The following SYT4 variants were observed in gnomAD, a reference collection of about 807,000 sequenced individuals.
SYT4 encodes the protein synaptotagmin-4.
A neutral mutation model predicts 32.9 loss-of-function variants in SYT4; 7 were observed. The ratio of observed to expected loss-of-function variants is 0.21; its 90% CI spans 0.12 to 0.40. The LOEUF is 0.40. Ranked by LOEUF, SYT4 falls within the 10% of genes least tolerant of loss-of-function variation. The pLI is 1.00. For missense variants in SYT4, 480 were observed against 488.0 expected (o/e 0.98, Z 0.16); for synonymous variants, 205 against 186.2 (o/e 1.10, Z -0.82).
chr18:43,277,470 G>A lies in SYT4; in HGVS notation c.-189C>T. 3.2e-6 allele frequency: 2 copies of A among 617,582 alleles called. No individual in the cohort carries two copies. Among genetic ancestry groups the A allele is most frequent in the Non-Finnish European group, 2.8e-6 (1 of 356,474 alleles). 38.3% of individuals were successfully genotyped at this position (617,582 alleles called of 1,614,324 possible). A position where few individuals can be genotyped will look rare whatever the true frequency, so the allele number is the denominator to read the frequency against. On this transcript the variant is annotated 5_prime_UTR_variant, in exon 1 of 4. Coordinates refer to ENST00000255224, the MANE Select transcript of SYT4 (RefSeq NM_020783.4). ...CCCTCGCACAGTGATTTGCCACCTCGGTTCCTGTTTTGGCTCTTCTGAGAA... is the reference window on the plus strand; with the variant it reads ...CCCTCGCACAGTGATTTGCCACCTCAGTTCCTGTTTTGGCTCTTCTGAGAA...
Position 43,273,938 on chromosome 18 carries a change from T to C in SYT4, c.491A>G (p.Asn164Ser). The C allele has an allele frequency of 1.9e-6, 3 of 1,614,020 alleles. No individual in the cohort carries two copies. The highest frequency in any genetic ancestry group is 1.1e-5 in the South Asian group (1 of 91,076). ...GACCACAAATGCTTTTCTCTCGAAG[T>C]TGTATTCTAAGGAGAAGAAGAGAGT... ...LGTLFFSLEY[N>S]FERKAFVVNI... Residue 164 changes from asparagine (N) to serine (S), a missense_variant, in exon 2 of 4, where the codon AAC becomes AGC. Coordinates refer to ENST00000255224, the MANE Select transcript of SYT4 (RefSeq NM_020783.4).
chr18:43,276,345 C>T (rs935356675), intron 1 of SYT4, among the ~76,000 whole-genome samples: 8 of 152,130 alleles, frequency 5.3e-5, no homozygotes, highest in Non-Finnish European at 1.0e-4. Context: ...AGCTTAATAA[C>T]AATTATCACA....
chr18:43,269,438 C>T lies in SYT4; in HGVS notation c.*903G>A, dbSNP rs1162513917. On this transcript the variant is annotated 3_prime_UTR_variant, in exon 4 of 4. Coordinates refer to ENST00000255224, the MANE Select transcript of SYT4 (RefSeq NM_020783.4). ...TGCCGACTCTGGGTACAAACGATGGCCTTAAAAGTACACTTGCACACTATA... is the reference window on the plus strand; with the variant it reads ...TGCCGACTCTGGGTACAAACGATGGTCTTAAAAGTACACTTGCACACTATA... 6.6e-6 allele frequency: 1 copy of T among 152,196 alleles called. No homozygotes were observed. The highest frequency in any genetic ancestry group is 1.5e-5 in the Non-Finnish European group (1 of 68,002). 9.4% of individuals were successfully genotyped at this position (152,196 alleles called of 1,614,324 possible).
intron 1 of SYT4, among the ~76,000 whole-genome samples, chr18:43,276,804 G>A (rs1174379356): frequency 3.3e-5 from 5 of 152,056 alleles, no homozygotes; most frequent in African/African-American, 4.8e-5. Flanking sequence ...AATATACATT[G>A]CCAAACCCCA....
chr18:43,270,554 A>G lies in SYT4; in HGVS notation c.1065T>C (p.Asn355=). The G allele has an allele frequency of 6.2e-7, 1 of 1,613,978 alleles. No individual in the cohort carries two copies. Among genetic ancestry groups the G allele is most frequent in the South Asian group, 1.1e-5 (1 of 91,090 alleles). The part of the protein sequence containing the change: ...VKKCTPNAVF[N]ELFVFDIPCE... ...AAGGAATATCAAAGACAAACAGCTCATTGAACACTGCATTGGGGGTGCATT... is the reference window on the plus strand; with the variant it reads ...AAGGAATATCAAAGACAAACAGCTCGTTGAACACTGCATTGGGGGTGCATT... Residue 355 remains asparagine, a synonymous_variant, in exon 4 of 4, where the codon AAT becomes AAC. Coordinates refer to ENST00000255224, the MANE Select transcript of SYT4 (RefSeq NM_020783.4).
chr18:43,271,866 A>G, intron 2 of SYT4, 34 bp from the exon 3 acceptor site: 1 of 1,597,848 alleles, frequency 6.3e-7, no homozygotes, highest in Non-Finnish European at 8.5e-7. Context: ...AAGTATTTCT[A>G]TCTTTTTAAC....
intron 2 of SYT4, among the ~76,000 whole-genome samples, chr18:43,272,537 A>G (rs16977446): frequency 6.6e-6 from 1 of 152,106 alleles, no homozygotes; most frequent in Non-Finnish European, 1.5e-5. Context: ...GATAAGATAT[A>G]CAATAATTCA....
chr18:43,268,426 C>T lies in SYT4; in HGVS notation c.*1915G>A, dbSNP rs1908522228. Reference sequence around the variant, plus strand: ...TGTTCCATGTTAAAAAAAAAAAAATCGGCCTCGTCCAACAACCATACCTCA... The same window carrying T: ...TGTTCCATGTTAAAAAAAAAAAAATTGGCCTCGTCCAACAACCATACCTCA... On this transcript the variant is annotated 3_prime_UTR_variant, in exon 4 of 4. Transcript: ENST00000255224. 1 of 150,650 alleles carries T rather than the reference C, an allele frequency of 6.6e-6. No homozygotes were observed. The highest frequency in any genetic ancestry group is 1.5e-5 in the Non-Finnish European group (1 of 67,694). The allele number at this position is 150,650 out of a possible 1,614,324, so 9.3% of individuals were successfully genotyped here. A position where few individuals can be genotyped will look rare whatever the true frequency, so the allele number is the denominator to read the frequency against.
rs766203920 is a variant in SYT4 at position 43,270,002 on chromosome 18, A to G, written c.*339T>C. 3.2e-5 allele frequency: 7 copies of G among 218,798 alleles called. No individual in the cohort carries two copies. Among genetic ancestry groups the G allele is most frequent in the Admixed American group, 5.2e-5 (1 of 19,226 alleles). 13.6% of individuals were successfully genotyped at this position (218,798 alleles called of 1,614,324 possible). On this transcript the variant is annotated 3_prime_UTR_variant, in exon 4 of 4. Transcript: ENST00000255224. The stretch of plus-strand genomic sequence containing the variant: ...TCGTTTTTAAATCTTAATCACATTA[A>G]CTTTTTGTGACATGTTCCAATGAGA...
chr18:43,276,907 A>G (rs1908812442), intron 1 of SYT4, among the ~76,000 whole-genome samples: 1 of 152,194 alleles, frequency 6.6e-6, no homozygotes, highest in African/African-American at 2.4e-5. Flanking sequence ...TTACCTACAA[A>G]TAAGAATCAC....
chr18:43,271,656 C>G, intron 3 of SYT4, 56 bp downstream of exon 3: 1 of 1,599,744 alleles, frequency 6.3e-7, no homozygotes, highest in African/African-American at 1.3e-5. Flanking sequence ...GGCTCATTTG[C>G]AGTCAAATAC....
rs1908822198 is a variant in SYT4, at chr18:43,277,234, A to G, written c.34+14T>C. On this transcript the variant is annotated intron_variant, in intron 1 of 3. Coordinates refer to ENST00000255224, the MANE Select transcript of SYT4 (RefSeq NM_020783.4). ...AAGGAATAACCGCAGTCATAAGTTC[A>G]GTAACTTGCTTACCAAATTCTTCCC... The G allele has an allele frequency of 1.2e-6, 2 of 1,614,036 alleles. No individual in the cohort carries two copies. The highest frequency in any genetic ancestry group is 1.7e-6 in the Non-Finnish European group (2 of 1,179,938).
chr18:43,276,549 G>A (rs1468068910), intron 1 of SYT4, among the ~76,000 whole-genome samples: 1 of 152,102 alleles, frequency 6.6e-6, no homozygotes, highest in Non-Finnish European at 1.5e-5. Flanking sequence ...AAAACTGAAC[G>A]GGAAAATTGG....
In SYT4 at chr18:43,270,620, A is replaced by G; in HGVS notation, c.999T>C (p.His333=). The G allele has an allele frequency of 6.2e-7, 1 of 1,613,906 alleles. No homozygotes were observed. Among genetic ancestry groups the G allele is most frequent in the Non-Finnish European group, 8.5e-7 (1 of 1,179,914 alleles). The change falls in exon 4 of 4, where the codon CAT becomes CAC. Residue 333 remains histidine, a synonymous_variant. Transcript: ENST00000255224. ...SDPYVKVNLY[H]AKKRISKKKT... ...TCTTCTTGGAGATTCTCTTTTTGGC[A>G]TGGTACAGGTTCACTTTGACATAGG...
chr18:43,273,639 T>C lies in SYT4; in HGVS notation c.790A>G (p.Ile264Val), dbSNP rs967204421. The C allele has an allele frequency of 1.2e-6, 2 of 1,613,716 alleles. No individual in the cohort carries two copies. Among genetic ancestry groups the C allele is most frequent in the Admixed American group, 3.3e-5 (2 of 59,982 alleles). ...AACATTTTTCCTTCAGATAATTCAA[T>C]TCCCGAGAGAGGAATTAGAACTTCC... The part of the protein sequence containing the change: ...IGEVLIPLSG[I>V]ELSEGKMLMN... Residue 264 changes from isoleucine (I) to valine (V), a missense_variant, in exon 2 of 4, where the codon ATT (isoleucine) becomes GTT (valine). Coordinates refer to ENST00000255224, the MANE Select transcript of SYT4 (RefSeq NM_020783.4).
Position 43,269,816 on chromosome 18 carries a change from A to T in SYT4, c.*525T>A, listed in dbSNP as rs894789163. 1.9e-5 allele frequency: 3 copies of T among 154,346 alleles called. No homozygotes were observed. Among genetic ancestry groups the T allele is most frequent in the African/African-American group, 7.2e-5 (3 of 41,458 alleles). The allele number at this position is 154,346 out of a possible 1,614,324, so 9.6% of individuals were successfully genotyped here. On this transcript the variant is annotated 3_prime_UTR_variant, in exon 4 of 4. Transcript: ENST00000255224. ...ATCAAATAATTACAAACCAAACTGA[A>T]ATGACCAGATACTTTTATATGCAGG...
At chr18:43,271,543 C>G (rs1278739216) in intron 3 of SYT4, among the ~76,000 whole-genome samples, 169 bp downstream of exon 3, 1 of 151,964 alleles carries the variant, frequency 6.6e-6, no homozygotes, top group Non-Finnish European at 1.5e-5. Flanking sequence ...ATAAAATTGG[C>G]GTTTTGTTTC....
At position 43,270,426 on chromosome 18, in the gene SYT4, T is replaced by C. The variant is rs1414732897; in HGVS notation, c.1193A>G (p.Glu398Gly). The C allele has an allele frequency of 6.2e-7, 1 of 1,614,108 alleles. No homozygotes were observed. The highest frequency in any genetic ancestry group is 1.7e-5 in the Admixed American group (1 of 60,008). ...TTTCCAGTGCTCTCCACCAGTTCCT[T>C]CTGCTGCTGCACCCAAGACTAACTG... ...IGQLVLGAAA[E>G]GTGGEHWKEI... The change falls in exon 4 of 4, where the codon GAA (glutamate) becomes GGA (glycine). Residue 398 changes from glutamate (E) to glycine (G), a missense_variant. Coordinates refer to ENST00000255224, the MANE Select transcript of SYT4 (RefSeq NM_020783.4).
chr18:43,271,886 T>C lies in SYT4; in HGVS notation c.850-54A>G, dbSNP rs1380766663. 3 of 1,536,088 alleles carry C rather than the reference T, an allele frequency of 2.0e-6. No individual in the cohort carries two copies. The African/African-American group carries it at 4.1e-5, about 21-fold the overall frequency. ...TTTCTATCTTTTTAACTTTGAAGTG[T>C]GTACTTTCATTAAAGTTTAAATAAC... On this transcript the variant is annotated intron_variant, in intron 2 of 3. Coordinates refer to ENST00000255224, the MANE Select transcript of SYT4 (RefSeq NM_020783.4).
Sources: gnomAD v4.1 joint callset for allele counts (sites outside exome capture counted in the v4.1 genomes callset) on GRCh38, gnomAD v4.1.1 for gene constraint, MANE v1.5 for transcripts, NCBI Gene and HGNC (gene_info 2026-07-23, HGNC 2026-07-21) for gene names.